SATL1: variants seen among roughly 807,000 people sequenced by gnomAD.
SATL1 encodes spermidine/spermine N1-acetyl transferase like 1, also known as spermidine/spermine N(1)-acetyltransferase-like protein 1.
In SATL1, 47 loss-of-function variants were observed where a neutral mutation model predicts 51.8. That is an observed-to-expected ratio of 0.91 (90% CI 0.72 to 1.16). The LOEUF (loss-of-function observed/expected upper bound fraction) is 1.16. Ranked by LOEUF, SATL1 falls within the 50% of genes most tolerant of loss-of-function variation. The pLI is 0.00. For missense variants in SATL1, 520 were observed against 526.4 expected (o/e 0.99, Z 0.12); for synonymous variants, 176 against 182.4 (o/e 0.97, Z 0.28).
chrX:85,105,681 A>G (rs1925021409), intron 3 of SATL1, among the ~76,000 whole-genome samples: 1 of 111,732 alleles, frequency 8.9e-6, no homozygotes, highest in African/African-American at 3.2e-5. Flanking sequence ...CCTGTAATAT[A>G]TTCAGCTAAG....
chrX:85,099,760 G>A (rs1474026397), intron 4 of SATL1, among the ~76,000 whole-genome samples: 2 of 111,900 alleles, frequency 1.8e-5, no homozygotes, highest in Admixed American at 9.5e-5. Flanking sequence ...ATGATACAGC[G>A]TACTTATGAA....
Position 85,173,769 on chromosome X carries a change from CT to C in SATL1, c.-313+50435del, listed in dbSNP as rs34178586. On this transcript the variant is annotated intron_variant, in intron 2 of 7. Coordinates refer to ENST00000644105, the MANE Select transcript of SATL1 (RefSeq NM_001367857.2). Reference sequence around the variant, plus strand: ...AATCTTTTAAATTGCCTCCAGAAGTCTTTTTTTTTAATTATTATTATACTTT... The same window carrying C: ...AATCTTTTAAATTGCCTCCAGAAGTCTTTTTTTTAATTATTATTATACTTT... Among the ~76,000 whole-genome samples, 7 of 106,637 alleles carry C rather than the reference CT, an allele frequency of 6.6e-5. No homozygotes were observed. The East Asian group carries it at 1.5e-3, about 23-fold the overall frequency. 92.6% of individuals were successfully genotyped at this position (106,637 alleles called of 115,157 possible). A position where few individuals can be genotyped will look rare whatever the true frequency, so the allele number is the denominator to read the frequency against.
At chrX:85,156,857 A>G in intron 2 of SATL1, among the ~76,000 whole-genome samples, 1 of 34,170 alleles carries the variant, frequency 2.9e-5, no homozygotes, top group South Asian at 2.0e-3. Context: ...ATATATATAT[A>G]TATATATATA....
chrX:85,144,632 A>G (rs984881679), intron 2 of SATL1, among the ~76,000 whole-genome samples: 5 of 112,365 alleles, frequency 4.4e-5, no homozygotes, highest in Non-Finnish European at 7.5e-5. Flanking sequence ...TTCAGACTTT[A>G]GAAAACTTTT....
At chrX:85,094,306 T>G in intron 5 of SATL1, 77 bp from the exon 6 acceptor site, 1 of 554,849 alleles carries the variant, frequency 1.8e-6, no homozygotes, top group Non-Finnish European at 3.1e-6. Context: ...TGAATGTCTT[T>G]TGGCGTTTGT....
At chrX:85,109,717 A>G (rs1203067739) in intron 2 of SATL1, among the ~76,000 whole-genome samples, 1 of 112,121 alleles carries the variant, frequency 8.9e-6, no homozygotes, top group African/African-American at 3.2e-5. Flanking sequence ...TTTAAAAATA[A>G]TAATAGCTGC....
At chrX:85,152,625 T>C (rs986251041) in intron 2 of SATL1, among the ~76,000 whole-genome samples, 6 of 111,715 alleles carry the variant, frequency 5.4e-5, no homozygotes, top group Non-Finnish European at 1.1e-4. Flanking sequence ...CACCATGGAA[T>C]ACTATGCAGC....
chrX:85,137,629 G>C (rs2079801255), intron 2 of SATL1, among the ~76,000 whole-genome samples: 1 of 111,230 alleles, frequency 9.0e-6, no homozygotes, highest in African/African-American at 3.3e-5. Flanking sequence ...TATATATCTA[G>C]GTATAGCGTT....
At chrX:85,176,343 T>C (rs1187204405) in intron 2 of SATL1, among the ~76,000 whole-genome samples, 2 of 111,929 alleles carry the variant, frequency 1.8e-5, no homozygotes, top group African/African-American at 6.5e-5. Flanking sequence ...GACTCAGCTA[T>C]ATCACTTCTG....
chrX:85,207,121 T>C (rs1217783365), intron 2 of SATL1: 1 of 111,318 alleles, frequency 9.0e-6, no homozygotes, highest in Non-Finnish European at 1.9e-5. Context: ...AATAATTAAT[T>C]AGGGAATTGT....
intron 4 of SATL1, among the ~76,000 whole-genome samples, chrX:85,100,068 T>C (rs1924852331): frequency 8.9e-6 from 1 of 111,943 alleles, no homozygotes; most frequent in South Asian, 3.7e-4. Flanking sequence ...TAGCCAGGTG[T>C]GGTGGCATGT....
rs759518439 is a variant in SATL1, at chrX:85,108,740, G to A, written c.229C>T (p.Pro77Ser). ...CTCCTACCTAATTGCCATGTGTCTG[G>A]TTGTTTCATGTCGGGTTGGTTTATG... ...PDINQPDMKQPDTWQLGRSQP... is the reference protein window; with the variant it reads ...PDINQPDMKQSDTWQLGRSQP... The change falls in exon 3 of 8, where the codon CCA becomes TCA. Residue 77 changes from proline (P) to serine (S), a missense_variant. By Grantham distance (74) the Pro-to-Ser change is moderately conservative. Coordinates refer to ENST00000644105, the MANE Select transcript of SATL1 (RefSeq NM_001367857.2). 2 of 1,206,397 alleles carry A rather than the reference G, an allele frequency of 1.7e-6. No homozygotes were observed. The highest frequency in any genetic ancestry group is 3.0e-5 in the East Asian group (1 of 33,637).
chrX:85,095,555 G>A (rs760443821), intron 4 of SATL1, among the ~76,000 whole-genome samples: 26 of 104,871 alleles, frequency 2.5e-4, no homozygotes, highest in African/African-American at 6.9e-4. Context: ...GGCCGGGCGC[G>A]GTGGCTCACG....
rs1925190202 is a variant in SATL1, at chrX:85,109,035, T to C, written c.-67A>G. ...AGATGATGGGTTGGCAGACAACTGATTGGCTGATGGCTGTCTTGATGGAAC... is the reference window on the plus strand; with the variant it reads ...AGATGATGGGTTGGCAGACAACTGACTGGCTGATGGCTGTCTTGATGGAAC... On this transcript the variant is annotated 5_prime_UTR_variant, in exon 3 of 8. Coordinates refer to ENST00000644105, the MANE Select transcript of SATL1 (RefSeq NM_001367857.2). 1.0e-6 allele frequency: 1 copy of C among 1,003,058 alleles called. No individual in the cohort carries two copies. The highest frequency in any genetic ancestry group is 2.7e-5 in the Admixed American group (1 of 37,261). 82.7% of individuals were successfully genotyped at this position (1,003,058 alleles called of 1,213,427 possible).
intron 2 of SATL1, among the ~76,000 whole-genome samples, chrX:85,166,032 C>T (rs1035911703): frequency 1.8e-5 from 2 of 111,448 alleles, no homozygotes; most frequent in African/African-American, 6.5e-5. Context: ...GGGGAAAGGA[C>T]ACCCTATGTA....
Position 85,093,167 on chromosome X carries a change from A to G in SATL1, c.1917+18T>C. Reference sequence around the variant, plus strand: ...AAAGGTTAATGTATAGAATATCAATACTAATTGTAATACATACCTGACTTA... The same window carrying G: ...AAAGGTTAATGTATAGAATATCAATGCTAATTGTAATACATACCTGACTTA... On this transcript the variant is annotated intron_variant, in intron 7 of 7. Transcript: ENST00000644105. The G allele has an allele frequency of 8.7e-7, 1 of 1,148,289 alleles. No individual in the cohort carries two copies. Among genetic ancestry groups the G allele is most frequent in the African/African-American group, 1.8e-5 (1 of 55,964 alleles). The allele number at this position is 1,148,289 out of a possible 1,213,427, so 94.6% of individuals were successfully genotyped here. A position where few individuals can be genotyped will look rare whatever the true frequency, so the allele number is the denominator to read the frequency against.
chrX:85,106,851 T>C (rs1479255120), intron 3 of SATL1, among the ~76,000 whole-genome samples: 1 of 112,001 alleles, frequency 8.9e-6, no homozygotes, highest in Non-Finnish European at 1.9e-5. Context: ...TTTAGGTAGC[T>C]GATCATCAGT....
intron 2 of SATL1, among the ~76,000 whole-genome samples, chrX:85,153,486 C>T (rs1015055864): frequency 1.8e-5 from 2 of 111,736 alleles, no homozygotes; most frequent in Non-Finnish European, 3.8e-5. Context: ...ATACGTGCCA[C>T]ATCTTCATTG....
At chrX:85,229,273 A>C (rs934271219) in intron 1 of SATL1, among the ~76,000 whole-genome samples, 1 of 111,776 alleles carries the variant, frequency 8.9e-6, no homozygotes, top group African/African-American at 3.2e-5. Context: ...TCATACTTTC[A>C]AAAAACAGAA....
Sources: gnomAD v4.1 joint callset for allele counts (sites outside exome capture counted in the v4.1 genomes callset) on GRCh38, gnomAD v4.1.1 for gene constraint, MANE v1.5 for transcripts, NCBI Gene and HGNC (gene_info 2026-07-23, HGNC 2026-07-21) for gene names.